CELF6: variants seen among roughly 807,000 people sequenced by gnomAD.
The protein encoded by CELF6 is CUGBP Elav-like family member 6.
Under a neutral mutation model 53.1 loss-of-function variants are expected in CELF6, and 32 were observed. That is an observed-to-expected ratio of 0.60 (90% CI 0.46 to 0.81). The LOEUF (loss-of-function observed/expected upper bound fraction) is 0.81, where lower values mean the gene tolerates loss of function less well. CELF6 is among the 30% of genes least tolerant of loss of function. CELF6 has a pLI of 0.00. For missense variants in CELF6, 539 were observed against 669.5 expected (o/e 0.81, Z 2.15); for synonymous variants, 291 against 288.8 (o/e 1.01, Z -0.08).
intron 3 of CELF6, among the ~76,000 whole-genome samples, chr15:72,294,207 G>A (rs1695654948): frequency 6.6e-6 from 1 of 152,190 alleles, no homozygotes; most frequent in African/African-American, 2.4e-5. Context: ...GCCTCATGTT[G>A]CTCCAAAGAA....
chr15:72,295,865 C>T (rs1216765699), intron 3 of CELF6, among the ~76,000 whole-genome samples: 2 of 152,120 alleles, frequency 1.3e-5, no homozygotes, highest in East Asian at 3.8e-4. Flanking sequence ...CTATAAACTC[C>T]CAATGGCATT....
intron 3 of CELF6, chr15:72,292,240 G>A (rs1304470747): frequency 2.0e-6 from 3 of 1,535,490 alleles, no homozygotes; most frequent in East Asian, 4.9e-5. Context: ...TTTGAGGGGG[G>A]ATCTGAGATC....
At chr15:72,290,492 A>G (rs890106607) in intron 3 of CELF6, among the ~76,000 whole-genome samples, 1 of 152,192 alleles carries the variant, frequency 6.6e-6, no homozygotes, top group East Asian at 1.9e-4. Flanking sequence ...GGAAACCCAG[A>G]GAGGCTCAGG....
intron 2 of CELF6, among the ~76,000 whole-genome samples, chr15:72,312,602 C>T (rs2088311949): frequency 1.3e-5 from 2 of 152,124 alleles, no homozygotes; most frequent in African/African-American, 4.8e-5. Context: ...GCACTCCAGC[C>T]TGGGTGACAG....
At chr15:72,313,590 G>A (rs2088327117) in intron 2 of CELF6, 1 of 161,240 alleles carries the variant, frequency 6.2e-6, no homozygotes, top group Non-Finnish European at 1.3e-5. Context: ...GCTGCCCTCT[G>A]TAGATCTTCC....
At chr15:72,306,240 T>C in intron 2 of CELF6, 1 of 985,060 alleles carries the variant, frequency 1.0e-6, no homozygotes, top group Non-Finnish European at 1.2e-6. Flanking sequence ...TGAGGAATTA[T>C]TGTTGGGGGG....
rs1398447085 is a variant in CELF6, at chr15:72,289,872, A to C, written c.603+67T>G. On this transcript the variant is annotated intron_variant, in intron 5 of 12. Coordinates refer to ENST00000287202, the MANE Select transcript of CELF6 (RefSeq NM_052840.5). The surrounding 1 kb of genome is among the most constrained non-coding windows in gnomAD (Gnocchi z 7.6). Reference sequence around the variant, plus strand: ...GGTCCTTTCGCGGGGCACCGAGCACACTCGGGGAGGAGAAGCCCGTCCCCA... The same window carrying C: ...GGTCCTTTCGCGGGGCACCGAGCACCCTCGGGGAGGAGAAGCCCGTCCCCA... The C allele has an allele frequency of 2.0e-6, 3 of 1,519,182 alleles. No homozygotes were observed. The East Asian group carries it at 7.4e-5, about 37-fold the overall frequency. 94.1% of individuals were successfully genotyped at this position (1,519,182 alleles called of 1,614,324 possible).
chr15:72,308,850 C>A (rs976514131), intron 2 of CELF6, among the ~76,000 whole-genome samples: 1 of 152,014 alleles, frequency 6.6e-6, no homozygotes, highest in Admixed American at 6.6e-5. Flanking sequence ...GGATTACAGA[C>A]ACCCACCACC....
intron 1 of CELF6, among the ~76,000 whole-genome samples, chr15:72,316,639 G>A (rs2088367117): frequency 6.6e-6 from 1 of 152,104 alleles, no homozygotes; most frequent in Non-Finnish European, 1.5e-5. Context: ...CAGCATATAT[G>A]GGTCAGCGAA....
chr15:72,292,300 C>T (rs989908359), intron 3 of CELF6: 43 of 1,446,184 alleles, frequency 3.0e-5, no homozygotes, highest in Non-Finnish European at 3.5e-5. Flanking sequence ...ATGAGTCTCT[C>T]AACCAATCTG....
chr15:72,313,426 A>T (rs1410951314), intron 2 of CELF6, among the ~76,000 whole-genome samples: 1 of 152,228 alleles, frequency 6.6e-6, no homozygotes, highest in Non-Finnish European at 1.5e-5. Flanking sequence ...GTGAAACCTC[A>T]TCTCTACTAA....
chr15:72,297,327 C>G (rs1342403789), intron 3 of CELF6, among the ~76,000 whole-genome samples: 1 of 152,170 alleles, frequency 6.6e-6, no homozygotes, highest in East Asian at 1.9e-4. Flanking sequence ...TTCTGCCAAC[C>G]ACCATCCTAC....
chr15:72,313,366 G>A (rs1276899873), intron 2 of CELF6, among the ~76,000 whole-genome samples: 1 of 152,250 alleles, frequency 6.6e-6, no homozygotes, highest in Non-Finnish European at 1.5e-5. Flanking sequence ...GGAAGCCAAG[G>A]TGGGTGGATC....
chr15:72,306,941 G>T (rs1330122996), intron 2 of CELF6, among the ~76,000 whole-genome samples: 1 of 152,048 alleles, frequency 6.6e-6, no homozygotes, highest in Non-Finnish European at 1.5e-5. Flanking sequence ...CTAGAAAGGG[G>T]CAAGGAAAGA....
chr15:72,302,673 C>G (rs1447260326), intron 3 of CELF6, among the ~76,000 whole-genome samples: 2 of 152,204 alleles, frequency 1.3e-5, no homozygotes, highest in African/African-American at 4.8e-5. Context: ...GGACTCCATA[C>G]AGCAGGAGTG....
At chr15:72,315,727 A>G (rs866500107) in intron 2 of CELF6, 118 bp downstream of exon 2, 5 of 612,598 alleles carry the variant, frequency 8.2e-6, no homozygotes, top group Non-Finnish European at 1.4e-5. Flanking sequence ...TCTCCTAGAA[A>G]GATGACTCTG....
intron 1 of CELF6, among the ~76,000 whole-genome samples, chr15:72,316,755 C>T (rs1323831260): frequency 6.6e-6 from 1 of 152,222 alleles, no homozygotes; most frequent in Non-Finnish European, 1.5e-5. Context: ...TCCTTTCCAA[C>T]AGCCACTGAG....
At position 72,289,394 on chromosome 15, in the gene CELF6, C is replaced by G. The variant is rs1298386726; in HGVS notation, c.861G>C (p.Ala287=). 8 of 1,555,214 alleles carry G rather than the reference C, an allele frequency of 5.1e-6. No homozygotes were observed. The highest frequency in any genetic ancestry group is 6.0e-6 in the Non-Finnish European group (7 of 1,158,984). The change falls in exon 7 of 13, where the codon GCG becomes GCC. Residue 287 remains alanine, a synonymous_variant. Coordinates refer to ENST00000287202, the MANE Select transcript of CELF6 (RefSeq NM_052840.5). This position sits in a 1 kb window ranked among gnomAD's most constrained non-coding sequence, Gnocchi z 7.6. ...QHVAAFSLVA[A]PLLPAAAANS... The stretch of plus-strand genomic sequence containing the variant: ...CCGTACCTGCCGCGGGCAACAGAGG[C>G]GCAGCTACCAGGCTAAAGGCCGCCA...
chr15:72,290,024 G>A lies in CELF6; in HGVS notation c.524-6C>T, dbSNP rs1567278059. On this transcript the variant is annotated splice_region_variant and splice_polypyrimidine_tract_variant and intron_variant, in intron 4 of 12. Coordinates refer to ENST00000287202, the MANE Select transcript of CELF6 (RefSeq NM_052840.5). ...GAACTTCACAAAGGCACAGCCTGGGGCAGGACAGAGGGAGCGGGTGGCTCA... is the reference window on the plus strand; with the variant it reads ...GAACTTCACAAAGGCACAGCCTGGGACAGGACAGAGGGAGCGGGTGGCTCA... 6.2e-7 allele frequency: 1 copy of A among 1,611,200 alleles called. No homozygotes were observed. Among genetic ancestry groups the A allele is most frequent in the East Asian group, 2.2e-5 (1 of 44,776 alleles).
Sources: allele counts gnomAD v4.1 joint callset (sites outside exome capture counted in the v4.1 genomes callset), GRCh38; gene constraint gnomAD v4.1.1; non-coding constraint Gnocchi (gnomAD v3.1); transcripts MANE v1.5; gene names NCBI Gene and HGNC (gene_info 2026-07-23, HGNC 2026-07-21).